EEFSEC: variants seen among roughly 807,000 people sequenced by gnomAD.
EEFSEC encodes selenocysteine-specific elongation factor.
EEFSEC carries 43 observed loss-of-function variants against 42.1 expected under a neutral mutation model. The ratio of observed to expected loss-of-function variants is 1.02; its 90% CI spans 0.80 to 1.32. The LOEUF (loss-of-function observed/expected upper bound fraction) is 1.32, where lower values mean the gene tolerates loss of function less well. Among genes scored for constraint, EEFSEC ranks in the 40% most tolerant of loss-of-function variants. EEFSEC has a pLI of 0.00. For missense variants in EEFSEC, 745 were observed against 803.6 expected (o/e 0.93, Z 0.88); for synonymous variants, 354 against 339.1 (o/e 1.04, Z -0.48).
At chr3:128,383,592 TC>T (rs756680006) in intron 6 of EEFSEC, among the ~76,000 whole-genome samples, 38 of 152,320 alleles carry the variant, frequency 2.5e-4, no homozygotes, top group Middle Eastern at 3.4e-3. Flanking sequence ...GAGCCTGAGC[TC>T]CTGGCTGTGT....
intron 5 of EEFSEC, among the ~76,000 whole-genome samples, chr3:128,357,154 G>A (rs954039962): frequency 1.3e-5 from 2 of 152,258 alleles, no homozygotes; most frequent in Admixed American, 6.5e-5. Context: ...GAGCAGGGGT[G>A]GGGTGAGGAG....
intron 1 of EEFSEC, among the ~76,000 whole-genome samples, chr3:128,227,889 C>A (rs2065923708): frequency 6.6e-6 from 1 of 152,220 alleles, no homozygotes. Context: ...AGTCCTCTCT[C>A]TATTGGCCCT....
downstream of EEFSEC, among the ~76,000 whole-genome samples, chr3:128,412,592 G>T (rs138732065): frequency 1.3e-5 from 2 of 152,364 alleles, no homozygotes; most frequent in Non-Finnish European, 2.9e-5. Context: ...GGAAGTGCTC[G>T]CTGGGGCCCG....
intron 1 of EEFSEC, among the ~76,000 whole-genome samples, chr3:128,226,870 A>G (rs1337329180): frequency 6.6e-6 from 1 of 152,204 alleles, no homozygotes; most frequent in African/African-American, 2.4e-5. Flanking sequence ...CACAGAGGGT[A>G]GCTGGTTTTG....
intron 4 of EEFSEC, among the ~76,000 whole-genome samples, chr3:128,294,064 C>G (rs577677616): frequency 6.6e-6 from 1 of 152,280 alleles, no homozygotes; most frequent in African/African-American, 2.4e-5. Context: ...TGCCCTTGGC[C>G]CCTCAGAGAT....
At chr3:128,407,850 G>A (rs1012167981) in intron 6 of EEFSEC, among the ~76,000 whole-genome samples, 5 of 152,188 alleles carry the variant, frequency 3.3e-5, no homozygotes, top group Non-Finnish European at 7.3e-5. Context: ...TGAGCACGGG[G>A]GTGGTGAGCT....
chr3:128,210,342 G>C (rs2065743549), intron 1 of EEFSEC, among the ~76,000 whole-genome samples: 2 of 152,190 alleles, frequency 1.3e-5, no homozygotes. Context: ...CTGACTTGAG[G>C]CTTCTGCAGG....
At chr3:128,274,487 G>T (rs1468701403) in intron 4 of EEFSEC, among the ~76,000 whole-genome samples, 1 of 152,188 alleles carries the variant, frequency 6.6e-6, no homozygotes, top group Non-Finnish European at 1.5e-5. Flanking sequence ...GGCGCGGGTA[G>T]GGAGTGTGGC....
chr3:128,262,671 C>A (rs937242353), intron 3 of EEFSEC, among the ~76,000 whole-genome samples: 3 of 152,214 alleles, frequency 2.0e-5, no homozygotes, highest in African/African-American at 7.2e-5. Flanking sequence ...ACAGCAGGGG[C>A]AATGCAGCTT....
In EEFSEC at chr3:128,191,097, C is replaced by T. The variant is rs565876418; in HGVS notation, c.316+37274C>T. Among the ~76,000 whole-genome samples, 43 of 152,204 alleles carry T rather than the reference C, an allele frequency of 2.8e-4. No individual in the cohort carries two copies. The South Asian group carries it at 6.8e-3, about 24-fold the overall frequency. On this transcript the variant is annotated intron_variant, in intron 1 of 6. Transcript: ENST00000254730. ...TGATGTTTGCACAAAGATGAAATTG[C>T]CTAATGACACATTTCTCAGAATGTA...
chr3:128,313,344 A>G (rs1337472704), intron 4 of EEFSEC, among the ~76,000 whole-genome samples: 1 of 152,268 alleles, frequency 6.6e-6, no homozygotes, highest in Non-Finnish European at 1.5e-5. Flanking sequence ...CCTCCTGGCA[A>G]CAGGGTTGCA....
intron 1 of EEFSEC, among the ~76,000 whole-genome samples, chr3:128,186,604 A>G (rs1453656236): frequency 1.3e-5 from 2 of 152,178 alleles, no homozygotes; most frequent in South Asian, 2.1e-4. Flanking sequence ...TGTATATGGC[A>G]TGAAGTAGAG....
At chr3:128,390,033 A>T (rs536582394) in intron 6 of EEFSEC, among the ~76,000 whole-genome samples, 1 of 152,352 alleles carries the variant, frequency 6.6e-6, no homozygotes, top group Non-Finnish European at 1.5e-5. Context: ...TGCTACCACC[A>T]CACAACTATT....
intron 2 of EEFSEC, among the ~76,000 whole-genome samples, chr3:128,256,501 G>C (rs956365351): frequency 6.6e-6 from 1 of 152,142 alleles, no homozygotes; most frequent in Non-Finnish European, 1.5e-5. Flanking sequence ...GCAGCATCAT[G>C]CCTCCCTTTC....
intron 4 of EEFSEC, among the ~76,000 whole-genome samples, chr3:128,300,129 A>G (rs1404786121): frequency 6.6e-6 from 1 of 152,180 alleles, no homozygotes; most frequent in Non-Finnish European, 1.5e-5. Context: ...GTGTGCTAGA[A>G]CTGGCCTAGA....
intron 4 of EEFSEC, among the ~76,000 whole-genome samples, chr3:128,301,050 A>G (rs1265183417): frequency 6.6e-6 from 1 of 152,210 alleles, no homozygotes; most frequent in African/African-American, 2.4e-5. Context: ...TCCTCAAACA[A>G]GCTCCATCGA....
chr3:128,381,775 T>C (rs1446201289), intron 6 of EEFSEC, among the ~76,000 whole-genome samples: 1 of 152,184 alleles, frequency 6.6e-6, no homozygotes, highest in Non-Finnish European at 1.5e-5. Flanking sequence ...TGCAGGGCAC[T>C]TCTAAGGAAG....
chr3:128,320,725 G>A (rs998253300), intron 4 of EEFSEC, among the ~76,000 whole-genome samples: 5 of 152,200 alleles, frequency 3.3e-5, no homozygotes, highest in Non-Finnish European at 5.9e-5. Flanking sequence ...CCATTCTCTC[G>A]AGGAGGTCCC....
chr3:128,214,360 G>T (rs11707297), intron 1 of EEFSEC, among the ~76,000 whole-genome samples: 2 of 152,120 alleles, frequency 1.3e-5, no homozygotes, highest in East Asian at 3.9e-4. Context: ...GCCCAGGAAT[G>T]ATGAACATTT....
Sources: allele counts gnomAD v4.1 joint callset (sites outside exome capture counted in the v4.1 genomes callset), GRCh38; gene constraint gnomAD v4.1.1; transcripts MANE v1.5; gene names NCBI Gene and HGNC (gene_info 2026-07-23, HGNC 2026-07-21).